The following DNAH2 variants were observed in gnomAD, a reference collection of about 807,000 sequenced individuals.
DNAH2 encodes the protein axonemal beta dynein heavy chain 2.
In DNAH2, 323 loss-of-function variants were observed where a neutral mutation model predicts 523.5. The observed-to-expected ratio is 0.62, with a 90% CI of 0.56 to 0.68. DNAH2 has a LOEUF of 0.68. Among genes scored for constraint, DNAH2 ranks in the 30% least tolerant of loss-of-function variants. The probability of loss-of-function intolerance (pLI) is 0.00; values close to 1 mark genes in which losing one functional copy is unlikely to be tolerated. For missense variants in DNAH2, 4,907 were observed against 5,701.5 expected, an observed-to-expected ratio of 0.86 and a Z score of 4.49; for synonymous variants, 2,093 against 2,177.4, an observed-to-expected ratio of 0.96 and a Z score of 1.08.
chr17:7,718,830 A>G (rs955872966), intron 1 of DNAH2, 31 bp downstream of exon 1: 1 of 152,674 alleles, frequency 6.5e-6, no homozygotes, highest in Non-Finnish European at 1.5e-5. Flanking sequence ...CTGTTTACAG[A>G]TGTTGCAGAT....
At position 7,823,822 on chromosome 17, in the gene DNAH2, C is replaced by A; in HGVS notation, c.11330-12C>A. The A allele has an allele frequency of 6.2e-7, 1 of 1,613,474 alleles. No homozygotes were observed. Among genetic ancestry groups the A allele is most frequent in the South Asian group, 1.1e-5 (1 of 90,978 alleles). On this transcript the variant is annotated splice_polypyrimidine_tract_variant and intron_variant, in intron 74 of 85. Transcript: ENST00000572933. The stretch of plus-strand genomic sequence containing the variant: ...CACTCCCTCTCCCTGCAATGACTCA[C>A]CTCATCCCCAGGTGAGTGGGAAAAT...
chr17:7,759,164 C>G (rs1398530454), intron 15 of DNAH2, 40 bp downstream of exon 15: 1 of 1,608,956 alleles, frequency 6.2e-7, no homozygotes, highest in East Asian at 2.2e-5. Context: ...TTGGAAAAAC[C>G]ACAGTCCCCC....
At position 7,757,130 on chromosome 17, in the gene DNAH2, G is replaced by A; in HGVS notation, c.1944G>A (p.Glu648=). 1.2e-6 allele frequency: 2 copies of A among 1,614,214 alleles called. No homozygotes were observed. Among genetic ancestry groups the A allele is most frequent in the East Asian group, 2.2e-5 (1 of 44,884 alleles). ...LILFAEIDYW[E]RLLFETPHYV... ...TCTTTGCGGAAATTGACTACTGGGA[G>A]CGGCTGCTGTTTGAGACGCCCCATT... The change falls in exon 13 of 86, where the codon GAG becomes GAA. Residue 648 remains glutamate, a synonymous_variant. Coordinates refer to ENST00000572933, the MANE Select transcript of DNAH2 (RefSeq NM_020877.5).
At position 7,821,996 on chromosome 17, in the gene DNAH2, C is replaced by T. The variant is rs1291638245; in HGVS notation, c.11142+627C>T. The stretch of plus-strand genomic sequence containing the variant: ...CTCAACACAGCAACCAGAGAGGTCC[C>T]ACTCTGTCACTCACTGTGGCTGGAC... On this transcript the variant is annotated intron_variant, in intron 73 of 85. Coordinates refer to ENST00000572933, the MANE Select transcript of DNAH2 (RefSeq NM_020877.5). The surrounding 1 kb of genome is among the most constrained non-coding windows in gnomAD (Gnocchi z 5.0). Among the ~76,000 whole-genome samples, 5 of 152,116 alleles carry T rather than the reference C, an allele frequency of 3.3e-5. No individual in the cohort carries two copies. Among genetic ancestry groups the T allele is most frequent in the Non-Finnish European group, 5.9e-5 (4 of 68,014 alleles).
intron 12 of DNAH2, among the ~76,000 whole-genome samples, chr17:7,753,723 G>A (rs778691645): frequency 7.2e-5 from 11 of 152,120 alleles, no homozygotes; most frequent in Non-Finnish European, 1.2e-4. Flanking sequence ...CAAGGTGGGC[G>A]GATCACCTGA....
At chr17:7,785,793 AG>A (rs2076717716) in intron 39 of DNAH2, among the ~76,000 whole-genome samples, 1 of 152,236 alleles carries the variant, frequency 6.6e-6, no homozygotes, top group African/African-American at 2.4e-5. Context: ...TACATTGTAC[AG>A]GCTTAATAAA....
At chr17:7,770,477 C>A in intron 25 of DNAH2, 69 bp downstream of exon 25, 2 of 1,613,312 alleles carry the variant, frequency 1.2e-6, no homozygotes, top group Non-Finnish European at 1.7e-6. Flanking sequence ...AGCTGTTCAT[C>A]ATCTGATGGC....
At chr17:7,791,813 A>G in intron 44 of DNAH2, 104 bp from the exon 45 acceptor site, 1 of 1,096,382 alleles carries the variant, frequency 9.1e-7, no homozygotes, top group Admixed American at 2.4e-5. Flanking sequence ...AGAGCCAGGG[A>G]AGGAGGAAGA....
rs1379184499 is a variant in DNAH2 at position 7,771,375 on chromosome 17, T to G, written c.4408T>G (p.Ser1470Ala). Residue 1470 changes from serine to alanine, a missense_variant, in exon 28 of 86, where the codon TCG becomes GCG. Physicochemically the swap from Ser to Ala is moderately conservative, Grantham distance 99. This residue lies in a region of DNAH2 where 2,806 missense variants were observed against 3,190.8 expected (regional missense o/e 0.88). Transcript: ENST00000572933. ...EDIRKQLPNESTLFDQVNSNW... is the reference protein window; with the variant it reads ...EDIRKQLPNEATLFDQVNSNW... Reference sequence around the variant, plus strand: ...CATCCGCAAGCAGCTGCCCAATGAATCGACCTTATTTGACCAGGTCAACAG... The same window carrying G: ...CATCCGCAAGCAGCTGCCCAATGAAGCGACCTTATTTGACCAGGTCAACAG... 2 of 1,613,946 alleles carry G rather than the reference T, an allele frequency of 1.2e-6. No homozygotes were observed. The highest frequency in any genetic ancestry group is 1.7e-6 in the Non-Finnish European group (2 of 1,180,030).
rs145079158 is a variant in DNAH2, at chr17:7,832,666, C to G, written c.12814C>G (p.Arg4272Gly). The G allele has an allele frequency of 1.2e-6, 2 of 1,614,068 alleles. No homozygotes were observed. Among genetic ancestry groups the G allele is most frequent in the Non-Finnish European group, 1.7e-6 (2 of 1,180,052 alleles). The change falls in exon 83 of 86, where the codon CGG (arginine) becomes GGG (glycine). Residue 4272 changes from arginine (R) to glycine (G), a missense_variant. Coordinates refer to ENST00000572933, the MANE Select transcript of DNAH2 (RefSeq NM_020877.5). The surrounding 1 kb of genome is among the most constrained non-coding windows in gnomAD (Gnocchi z 4.3). Reference protein sequence around the residue: ...EQFELWASRARPPVIFWLSGF... With the variant: ...EQFELWASRAGPPVIFWLSGF... ...GTTTGAGCTGTGGGCCAGCCGGGCC[C>G]GGCCTCCTGTGATCTTCTGGTTGTC... is the stretch of plus-strand genomic sequence containing the variant.
Position 7,831,214 on chromosome 17 carries a change from CCT to C in DNAH2, c.12363_12364del (p.Gln4122AspfsTer3). The C allele has an allele frequency of 1.9e-6, 3 of 1,614,186 alleles. No individual in the cohort carries two copies. Among genetic ancestry groups the C allele is most frequent in the Non-Finnish European group, 2.5e-6 (3 of 1,180,040 alleles). On this transcript the variant is annotated frameshift_variant, in exon 80 of 86. Coordinates refer to ENST00000572933, the MANE Select transcript of DNAH2 (RefSeq NM_020877.5). LOFTEE classifies it high-confidence loss of function. This position sits in a 1 kb window ranked among gnomAD's most constrained non-coding sequence, Gnocchi z 4.2. ...GGCCAGCACCCCAATGCTGATGTGG[CCT>C]CTCAGATCACTGAGGCACAAACCCT...
rs373554586 is a variant in DNAH2 at position 7,775,347 on chromosome 17, G to C, written c.4821+5G>C. 1.9e-5 allele frequency: 30 copies of C among 1,608,070 alleles called. No homozygotes were observed. Among genetic ancestry groups the C allele is most frequent in the Non-Finnish European group, 2.4e-5 (28 of 1,176,754 alleles). ...TTTTTAGAAGGCCCTGTGGAGGTGA[G>C]TTGTGGTGAGGGTCTGAGGACCTAG... On this transcript the variant is annotated splice_donor_5th_base_variant and intron_variant, in intron 30 of 85. Coordinates refer to ENST00000572933, the MANE Select transcript of DNAH2 (RefSeq NM_020877.5).
chr17:7,817,029 A>C (rs906789120), intron 64 of DNAH2, among the ~76,000 whole-genome samples: 2 of 152,208 alleles, frequency 1.3e-5, no homozygotes, highest in Admixed American at 1.3e-4. Context: ...GACACAGCAC[A>C]TCTTGCTTCT....
Position 7,796,335 on chromosome 17 carries a change from C to T in DNAH2, c.7675-129C>T, listed in dbSNP as rs142528198. 3.0e-3 allele frequency: 3,075 copies of T among 1,012,760 alleles called. 52 individuals are homozygous for T. In the African/African-American group the frequency reaches 0.044, roughly 14 times the overall value. The allele number at this position is 1,012,760 out of a possible 1,614,324, so 62.7% of individuals were successfully genotyped here. A position where few individuals can be genotyped will look rare whatever the true frequency, so the allele number is the denominator to read the frequency against. On this transcript the variant is annotated intron_variant, in intron 49 of 85. Coordinates refer to ENST00000572933, the MANE Select transcript of DNAH2 (RefSeq NM_020877.5). ...AAGTACTGGGATTACAGGCATGAGC[C>T]ACCGTGCCCGGCCCTAGGATTTTTT...
rs376582761 is a variant in DNAH2 at position 7,830,645 on chromosome 17, G to T, written c.12046-13G>T. On this transcript the variant is annotated splice_polypyrimidine_tract_variant and intron_variant, in intron 78 of 85. Transcript: ENST00000572933. ...ACTCTGGGAATGGGGGCTTGGGCTGGGATCATGCCTAGGTGTCAGAAAACT... is the reference window on the plus strand; with the variant it reads ...ACTCTGGGAATGGGGGCTTGGGCTGTGATCATGCCTAGGTGTCAGAAAACT... 4 of 1,613,396 alleles carry T rather than the reference G, an allele frequency of 2.5e-6. No homozygotes were observed. The highest frequency in any genetic ancestry group is 3.4e-6 in the Non-Finnish European group (4 of 1,179,350).
In DNAH2 at chr17:7,733,213, G is replaced by C; in HGVS notation, c.526G>C (p.Gly176Arg). 6.2e-7 allele frequency: 1 copy of C among 1,614,172 alleles called. No individual in the cohort carries two copies. Among genetic ancestry groups the C allele is most frequent in the Non-Finnish European group, 8.5e-7 (1 of 1,180,038 alleles). ...TATCCCGGCCCTGCTTCGGCTGCTCGGTGGAGTCTTTGCCCCTCAGATCTT... is the reference window on the plus strand; with the variant it reads ...TATCCCGGCCCTGCTTCGGCTGCTCCGTGGAGTCTTTGCCCCTCAGATCTT... The part of the protein sequence containing the change: ...PYIPALLRLL[G>R]GVFAPQIFAN... Residue 176 changes from glycine (G) to arginine (R), a missense_variant, in exon 5 of 86, where the codon GGT (glycine) becomes CGT (arginine). Transcript: ENST00000572933.
At chr17:7,777,739 G>C in intron 33 of DNAH2, 105 bp downstream of exon 33, 5 of 1,405,002 alleles carry the variant, frequency 3.6e-6, no homozygotes, top group Non-Finnish European at 2.9e-6. Flanking sequence ...CCAACCCTTA[G>C]TCCTGTCCCA....
chr17:7,814,185 C>CA (rs59214536), intron 63 of DNAH2, among the ~76,000 whole-genome samples: 5,080 of 101,204 alleles, frequency 0.05, 129 homozygotes, highest in Non-Finnish European at 0.072. Context: ...CACTATTCTC[C>CA]AAAAAAAAAA....
rs963864052 is a variant in DNAH2, at chr17:7,819,006, G to A, written c.10758G>A (p.Val3586=). 2 of 1,610,588 alleles carry A rather than the reference G, an allele frequency of 1.2e-6. No homozygotes were observed. Among genetic ancestry groups the A allele is most frequent in the African/African-American group, 2.7e-5 (2 of 74,906 alleles). The change falls in exon 71 of 86, where the codon GTG becomes GTA. Residue 3586 remains valine, a synonymous_variant. Coordinates refer to ENST00000572933, the MANE Select transcript of DNAH2 (RefSeq NM_020877.5). ...CCTCCAAGATCACAGCCACAGAGGT[G>A]ACTGAGCAGCTGGAGACCAGTGAGA... ...LHTSKITATE[V]TEQLETSETT... is the part of the protein sequence containing the mutation.
Sources: allele counts gnomAD v4.1 joint callset (sites outside exome capture counted in the v4.1 genomes callset), GRCh38; gene constraint gnomAD v4.1.1; regional missense constraint gnomAD v4.1.1; non-coding constraint Gnocchi (gnomAD v3.1); transcripts MANE v1.5; gene names NCBI Gene and HGNC (gene_info 2026-07-23, HGNC 2026-07-21).